The following ARB2A variants were observed in gnomAD, a reference collection of about 807,000 sequenced individuals.
ARB2A encodes ARB2 cotranscriptional regulator A.
chr5:93,681,101 T>C, the ARB2A span, among the ~76,000 whole-genome samples: 1 of 152,134 alleles, frequency 6.6e-6, no homozygotes, highest in Admixed American at 6.5e-5. Context: ...ATTTTATATG[T>C]AATGTTTCCT....
At chr5:93,905,037 T>G in the ARB2A span, among the ~76,000 whole-genome samples, 1 of 151,780 alleles carries the variant, frequency 6.6e-6, no homozygotes, top group African/African-American at 2.4e-5. Context: ...CATGCCATTT[T>G]GCACTTTTGC....
chr5:93,799,953 TTAAAACTAGTCAC>T, the ARB2A span, among the ~76,000 whole-genome samples: 3 of 152,106 alleles, frequency 2.0e-5, no homozygotes. Flanking sequence ...AGGTAATTAT[TTAAAACTAGTCAC>T]TAAAAATATA....
the ARB2A span, among the ~76,000 whole-genome samples, chr5:93,674,633 CAA>C: frequency 2.0e-5 from 3 of 152,206 alleles, no homozygotes; most frequent in South Asian, 6.2e-4. Flanking sequence ...CTTTCAGACT[CAA>C]TAATGCAAAA....
the ARB2A span, among the ~76,000 whole-genome samples, chr5:94,003,036 T>A: frequency 6.6e-6 from 1 of 152,172 alleles, no homozygotes; most frequent in African/African-American, 2.4e-5. Context: ...ACTCCATATT[T>A]GGAGAGTTTG....
chr5:93,825,857 A>G, the ARB2A span, among the ~76,000 whole-genome samples: 3 of 151,462 alleles, frequency 2.0e-5, no homozygotes, highest in Non-Finnish European at 4.4e-5. Flanking sequence ...TATTTTATTT[A>G]TAAGATTTTA....
chr5:93,642,195 CT>C, the ARB2A span, among the ~76,000 whole-genome samples: 483 of 137,596 alleles, frequency 3.5e-3, no homozygotes, highest in Non-Finnish European at 4.0e-3. Context: ...GTTGCCTAGG[CT>C]TTTTTTTTTT....
chr5:93,895,146 G>A, the ARB2A span, among the ~76,000 whole-genome samples: 1 of 152,152 alleles, frequency 6.6e-6, no homozygotes, highest in South Asian at 2.1e-4. Flanking sequence ...AGTTGTCTGT[G>A]CTCATGCCAG....
the ARB2A span, among the ~76,000 whole-genome samples, chr5:93,886,079 G>A: frequency 0.091 from 13,726 of 151,592 alleles, 808 homozygotes; most frequent in Middle Eastern, 0.17. Context: ...TAAAATGCAC[G>A]ACCAAAACCA....
chr5:93,690,056 C>T, the ARB2A span, among the ~76,000 whole-genome samples: 4 of 152,162 alleles, frequency 2.6e-5, no homozygotes, highest in Admixed American at 6.5e-5. Context: ...TCTTCACAAC[C>T]TGCAGACCAG....
chr5:93,842,043 G>C, the ARB2A span, among the ~76,000 whole-genome samples: 1 of 152,134 alleles, frequency 6.6e-6, no homozygotes, highest in Non-Finnish European at 1.5e-5. Context: ...CTAAGAGAAA[G>C]AAGCTAGACA....
chr5:93,959,039 C>A, the ARB2A span: 1 of 996,834 alleles, frequency 1.0e-6, no homozygotes, highest in South Asian at 2.9e-5. Flanking sequence ...GAAAAAACAA[C>A]TAATGGCTGT....
the ARB2A span, among the ~76,000 whole-genome samples, chr5:94,066,816 C>T: frequency 4.6e-5 from 7 of 152,012 alleles, no homozygotes; most frequent in African/African-American, 7.2e-5. Context: ...GAGGAGGGAA[C>T]GGAACTCTCC....
chr5:93,857,055 C>A, the ARB2A span, among the ~76,000 whole-genome samples: 9 of 152,140 alleles, frequency 5.9e-5, no homozygotes, highest in East Asian at 1.9e-4. Flanking sequence ...CACTCCAGAC[C>A]CTATTTGCCT....
At chr5:93,636,683 C>CCTGAATATACAGCAGT in the ARB2A span, among the ~76,000 whole-genome samples, 1 of 151,882 alleles carries the variant, frequency 6.6e-6, no homozygotes, top group African/African-American at 2.4e-5. Flanking sequence ...TATACAGCAG[C>CCTGAATATACAGCAGT]CTGAATATAC....
chr5:94,061,605 G>A, the ARB2A span, among the ~76,000 whole-genome samples: 1 of 152,142 alleles, frequency 6.6e-6, no homozygotes, highest in Non-Finnish European at 1.5e-5. Flanking sequence ...GAAGATCACA[G>A]TATATAATAT....
chr5:93,863,190 C>A, the ARB2A span: 1 of 151,946 alleles, frequency 6.6e-6, no homozygotes, highest in Admixed American at 6.6e-5. Context: ...CAAAGGAAAC[C>A]CAGCAAGGAC....
chr5:94,042,073 T>G, the ARB2A span, among the ~76,000 whole-genome samples: 2 of 152,200 alleles, frequency 1.3e-5, no homozygotes, highest in Non-Finnish European at 2.9e-5. Flanking sequence ...CATAGGAATG[T>G]GAATTTCCTG....
the ARB2A span, chr5:93,881,596 T>C: frequency 6.2e-7 from 1 of 1,611,002 alleles, no homozygotes. Flanking sequence ...CTGGTTCATC[T>C]GAACTATCAG....
At chr5:93,899,093 C>T in the ARB2A span, among the ~76,000 whole-genome samples, 1 of 152,066 alleles carries the variant, frequency 6.6e-6, no homozygotes, top group Admixed American at 6.6e-5. Flanking sequence ...TGATTTGCTG[C>T]TGCTTTTGAA....
Sources: allele counts gnomAD v4.1 joint callset (sites outside exome capture counted in the v4.1 genomes callset), GRCh38; gene constraint gnomAD v4.1.1; transcripts MANE v1.5; gene names NCBI Gene and HGNC (gene_info 2026-07-23, HGNC 2026-07-21).